Variants in LINGO2 observed in about 807,000 individuals in gnomAD.
LINGO2 encodes leucine-rich repeat and immunoglobulin-like domain-containing nogo receptor-interacting protein 2.
LINGO2 carries 14 observed loss-of-function variants against 30.6 expected under a neutral mutation model. The ratio of observed to expected loss-of-function variants is 0.46; its 90% CI spans 0.30 to 0.72. The LOEUF (loss-of-function observed/expected upper bound fraction) is 0.72, where lower values mean the gene tolerates loss of function less well. Ranked by LOEUF, LINGO2 falls within the 30% of genes least tolerant of loss-of-function variation. LINGO2 has a pLI of 0.07. For missense variants in LINGO2, 729 were observed against 751.7 expected (o/e 0.97, Z 0.35); for synonymous variants, 317 against 288.5 (o/e 1.10, Z -1.00).
At chr9:28,834,272 A>C in the LINGO2 span, among the ~76,000 whole-genome samples, 1 of 152,134 alleles carries the variant, frequency 6.6e-6, no homozygotes. Context: ...CTCTTTCAAA[A>C]ATCATCATAT....
intron 1 of LINGO2, among the ~76,000 whole-genome samples, chr9:28,513,084 TACACACACACACACACACACACACACAC>T (rs57773955): frequency 6.8e-6 from 1 of 146,650 alleles, no homozygotes; most frequent in Non-Finnish European, 1.5e-5. Flanking sequence ...TTAACCATCA[TACACACACACACACACACACACACACAC>T]ACACACACAC....
chr9:28,094,534 A>T lies in LINGO2; in HGVS notation c.-86-82129T>A, dbSNP rs895939749. Reference sequence around the variant, plus strand: ...GGATATGTGTGTGTGTGTGTGAGAGAGAGAGAGAGAGAGAGTAAATATTTC... The same window carrying T: ...GGATATGTGTGTGTGTGTGTGAGAGTGAGAGAGAGAGAGAGTAAATATTTC... On this transcript the variant is annotated intron_variant, in intron 4 of 5. Coordinates refer to ENST00000379992, the Ensembl canonical transcript of LINGO2. Among the ~76,000 whole-genome samples, 31 of 151,984 alleles carry T rather than the reference A, an allele frequency of 2.0e-4. 1 individual carries two copies. Among genetic ancestry groups the T allele is most frequent in the African/African-American group, 5.8e-4 (24 of 41,496 alleles).
intron 3 of LINGO2, among the ~76,000 whole-genome samples, chr9:28,367,643 C>CT (rs529792579): frequency 2.0e-5 from 3 of 151,796 alleles, no homozygotes; most frequent in Admixed American, 1.3e-4. Flanking sequence ...GTAGGTGACT[C>CT]TTTTTTTCCC....
intron 4 of LINGO2, among the ~76,000 whole-genome samples, chr9:28,214,709 C>G (rs554436944): frequency 6.6e-6 from 1 of 151,574 alleles, no homozygotes; most frequent in African/African-American, 2.4e-5. Context: ...AACAGAAAAG[C>G]TGTAAGGTAT....
At chr9:28,713,402 T>G in the LINGO2 span, among the ~76,000 whole-genome samples, 5 of 152,092 alleles carry the variant, frequency 3.3e-5, no homozygotes, top group Non-Finnish European at 5.9e-5. Flanking sequence ...GGTCACACAA[T>G]TTGCCCTCCG....
At chr9:28,286,709 A>G (rs1273807922) in intron 4 of LINGO2, among the ~76,000 whole-genome samples, 3 of 152,212 alleles carry the variant, frequency 2.0e-5, no homozygotes, top group Non-Finnish European at 4.4e-5. Flanking sequence ...TAACACAGGA[A>G]TAGAAAACCA....
chr9:28,128,944 G>A (rs916378039), intron 4 of LINGO2, among the ~76,000 whole-genome samples: 6 of 152,268 alleles, frequency 3.9e-5, no homozygotes, highest in African/African-American at 1.2e-4. Context: ...TGCAAGTGCC[G>A]CTAGGAAAAG....
intron 5 of LINGO2, among the ~76,000 whole-genome samples, chr9:28,004,043 T>C (rs577698790): frequency 1.9e-4 from 29 of 152,316 alleles, no homozygotes; most frequent in African/African-American, 6.5e-4. Context: ...ACATGCTTTC[T>C]TTTTAAGAAC....
At chr9:28,188,178 C>T (rs1042766243) in intron 4 of LINGO2, among the ~76,000 whole-genome samples, 18 of 152,160 alleles carry the variant, frequency 1.2e-4, no homozygotes, top group African/African-American at 4.1e-4. Flanking sequence ...AGCTGACAGG[C>T]TTTTCAAATG....
At chr9:28,988,445 A>G in the LINGO2 span, among the ~76,000 whole-genome samples, 2 of 152,146 alleles carry the variant, frequency 1.3e-5, no homozygotes, top group Admixed American at 1.3e-4. Flanking sequence ...AGACTGTATT[A>G]GGCAGCATAT....
chr9:28,349,874 C>T (rs1819778637), intron 3 of LINGO2, among the ~76,000 whole-genome samples: 2 of 152,046 alleles, frequency 1.3e-5, no homozygotes, highest in Admixed American at 6.6e-5. Flanking sequence ...GATTTTCAAC[C>T]CAGAATTTCA....
At chr9:28,548,177 C>A (rs1325230106) in intron 1 of LINGO2, among the ~76,000 whole-genome samples, 1 of 152,004 alleles carries the variant, frequency 6.6e-6, no homozygotes, top group Non-Finnish European at 1.5e-5. Context: ...TTTTATCACT[C>A]AAATATCAAC....
chr9:28,044,103 A>G (rs368052247), intron 4 of LINGO2, among the ~76,000 whole-genome samples: 6 of 152,208 alleles, frequency 3.9e-5, no homozygotes, highest in African/African-American at 1.4e-4. Context: ...GTATGGAGGA[A>G]TGCTTGAATC....
chr9:28,709,251 A>T, the LINGO2 span, among the ~76,000 whole-genome samples: 9 of 152,010 alleles, frequency 5.9e-5, no homozygotes, highest in African/African-American at 2.2e-4. Flanking sequence ...CTCTCATACT[A>T]TGTCAGTTAA....
the LINGO2 span, among the ~76,000 whole-genome samples, chr9:29,052,494 AG>A: frequency 2.0e-5 from 3 of 152,220 alleles, no homozygotes; most frequent in African/African-American, 7.2e-5. Flanking sequence ...TACTATATTT[AG>A]AAAGTGGTTT....
intron 2 of LINGO2, among the ~76,000 whole-genome samples, chr9:28,405,556 T>C (rs2134772413): frequency 6.6e-6 from 1 of 152,298 alleles, no homozygotes; most frequent in South Asian, 2.1e-4. Context: ...TCTATCACTA[T>C]TAGATTTGTA....
At chr9:28,540,447 A>C (rs1386296597) in intron 1 of LINGO2, among the ~76,000 whole-genome samples, 1 of 151,968 alleles carries the variant, frequency 6.6e-6, no homozygotes, top group African/African-American at 2.4e-5. Context: ...TTTTTTGTAG[A>C]GACAGGGTTT....
At chr9:27,961,473 G>A (rs1271083765) in intron 5 of LINGO2, among the ~76,000 whole-genome samples, 2 of 152,058 alleles carry the variant, frequency 1.3e-5, no homozygotes, top group Non-Finnish European at 2.9e-5. Context: ...TCTGCAATTG[G>A]GGACACAGTA....
At chr9:28,188,600 T>C (rs916967872) in intron 4 of LINGO2, among the ~76,000 whole-genome samples, 2 of 152,144 alleles carry the variant, frequency 1.3e-5, no homozygotes, top group South Asian at 2.1e-4. Flanking sequence ...TCAAATTTTT[T>C]CTAACCCTTT....
Sources: allele counts gnomAD v4.1 joint callset (sites outside exome capture counted in the v4.1 genomes callset), GRCh38; gene constraint gnomAD v4.1.1; transcripts MANE v1.5; gene names NCBI Gene and HGNC (gene_info 2026-07-23, HGNC 2026-07-21).